Variants in GABPA observed in about 807,000 individuals in gnomAD.
GABPA encodes GA-binding protein alpha chain.
A neutral mutation model predicts 59.4 loss-of-function variants in GABPA; 4 were observed. That is an observed-to-expected ratio of 0.07 (90% CI 0.03 to 0.15). The LOEUF is 0.15. Ranked by LOEUF, GABPA falls within the 10% of genes least tolerant of loss-of-function variation. The probability of loss-of-function intolerance (pLI) is 1.00; values close to 1 mark genes in which losing one functional copy is unlikely to be tolerated. For missense variants in GABPA, 251 were observed against 543.8 expected, an observed-to-expected ratio of 0.46 and a Z score of 5.36; for synonymous variants, 164 against 183.1, an observed-to-expected ratio of 0.90 and a Z score of 0.84.
At chr21:25,749,198 T>A (rs1388438243) in intron 4 of GABPA, 78 bp downstream of exon 4, 1 of 837,812 alleles carries the variant, frequency 1.2e-6, no homozygotes, top group Non-Finnish European at 1.9e-6. Context: ...TTTAGGTGTT[T>A]TCGATGGTTG....
chr21:25,741,584 T>C lies in GABPA; in HGVS notation c.-15T>C, dbSNP rs755628505. 1.9e-6 allele frequency: 3 copies of C among 1,584,142 alleles called. No individual in the cohort carries two copies. The highest frequency in any genetic ancestry group is 2.6e-6 in the Non-Finnish European group (3 of 1,159,138). On this transcript the variant is annotated 5_prime_UTR_variant, in exon 2 of 10. Coordinates refer to ENST00000400075, the MANE Select transcript of GABPA (RefSeq NM_002040.4). ...AGTCACTCTTGCAGGACTGATCCTT[T>C]GAAATACTCCAGCCATGACTAAAAG...
chr21:25,769,976 A>T lies in GABPA; in HGVS notation c.*744A>T, dbSNP rs2035977175. 6.6e-6 allele frequency: 1 copy of T among 152,600 alleles called. No homozygotes were observed. Among genetic ancestry groups the T allele is most frequent in the Admixed American group, 6.5e-5 (1 of 15,270 alleles). 9.5% of individuals were successfully genotyped at this position (152,600 alleles called of 1,614,324 possible). A position where few individuals can be genotyped will look rare whatever the true frequency, so the allele number is the denominator to read the frequency against. Reference sequence around the variant, plus strand: ...TTAATTCTAATAAACCAGCTGTTATAAAAATTATAAAATGATCTCTGTTTT... The same window carrying T: ...TTAATTCTAATAAACCAGCTGTTATTAAAATTATAAAATGATCTCTGTTTT... On this transcript the variant is annotated 3_prime_UTR_variant, in exon 10 of 10. Coordinates refer to ENST00000400075, the MANE Select transcript of GABPA (RefSeq NM_002040.4).
At position 25,741,462 on chromosome 21, in the gene GABPA, C is replaced by T. The variant is rs531204468; in HGVS notation, c.-26-111C>T. 167 of 463,300 alleles carry T rather than the reference C, an allele frequency of 3.6e-4. 1 individual carries two copies. The highest frequency in any genetic ancestry group is 3.2e-3 in the African/African-American group (155 of 48,682). The allele number at this position is 463,300 out of a possible 1,614,324, so 28.7% of individuals were successfully genotyped here. A position where few individuals can be genotyped will look rare whatever the true frequency, so the allele number is the denominator to read the frequency against. On this transcript the variant is annotated intron_variant, in intron 1 of 9. Transcript: ENST00000400075. ...TTTCTTCTATATGTAAAGACTACTT[C>T]CCCCTCTTCTGCTTGGCGTTTGCTT...
intron 9 of GABPA, among the ~76,000 whole-genome samples, chr21:25,765,264 C>G (rs1422075443): frequency 6.6e-6 from 1 of 151,892 alleles, no homozygotes; most frequent in African/African-American, 2.4e-5. Flanking sequence ...ATTATGCCTA[C>G]TACAGTGATG....
At chr21:25,765,083 G>T (rs2035858875) in intron 9 of GABPA, among the ~76,000 whole-genome samples, 1 of 151,730 alleles carries the variant, frequency 6.6e-6, no homozygotes, top group Admixed American at 6.6e-5. Context: ...TAGATGAATT[G>T]AGTGTTAGTT....
rs550213082 is a variant in GABPA at position 25,772,180 on chromosome 21, A to G, written c.*2948A>G. 3 of 152,238 alleles carry G rather than the reference A, an allele frequency of 2.0e-5. No individual in the cohort carries two copies. The highest frequency in any genetic ancestry group is 3.9e-4 in the East Asian group (2 of 5,192). 9.4% of individuals were successfully genotyped at this position (152,238 alleles called of 1,614,324 possible). On this transcript the variant is annotated 3_prime_UTR_variant, in exon 10 of 10. Transcript: ENST00000400075. ...ACTAACTTAATGTCTTCAGATCTAA[A>G]GGGTGTAAAAATATTGATACTTCAA...
At chr21:25,751,293 A>G (rs2035504989) in intron 4 of GABPA, among the ~76,000 whole-genome samples, 1 of 151,424 alleles carries the variant, frequency 6.6e-6, no homozygotes, top group Non-Finnish European at 1.5e-5. Context: ...GTTTTAAACT[A>G]TCCAGAATTA....
rs2035991868 is a variant in GABPA at position 25,770,676 on chromosome 21, A to T, written c.*1444A>T. 1 of 152,046 alleles carries T rather than the reference A, an allele frequency of 6.6e-6. No homozygotes were observed. The highest frequency in any genetic ancestry group is 2.4e-5 in the African/African-American group (1 of 41,436). The allele number at this position is 152,046 out of a possible 1,614,324, so 9.4% of individuals were successfully genotyped here. ...CTTAAGAGCTCAGTTAATGCTTTTGACTTAACTAGGAGAAAAAGGCATGAT... is the reference window on the plus strand; with the variant it reads ...CTTAAGAGCTCAGTTAATGCTTTTGTCTTAACTAGGAGAAAAAGGCATGAT... On this transcript the variant is annotated 3_prime_UTR_variant, in exon 10 of 10. Transcript: ENST00000400075.
intron 4 of GABPA, among the ~76,000 whole-genome samples, chr21:25,750,193 A>G (rs1053214471): frequency 6.6e-6 from 1 of 152,214 alleles, no homozygotes; most frequent in Non-Finnish European, 1.5e-5. Flanking sequence ...TTGTGCTCCT[A>G]TGAGAATTTA....
rs762327386 is a variant in GABPA, at chr21:25,752,162, G to A, written c.481G>A (p.Glu161Lys). ...HITTISDETS[E>K]QVTRWAAALE... Reference sequence around the variant, plus strand: ...CACAACCATTTCAGATGAAACTTCAGAACAAGTGACAAGATGGGCTGCTGC... The same window carrying A: ...CACAACCATTTCAGATGAAACTTCAAAACAAGTGACAAGATGGGCTGCTGC... The change falls in exon 5 of 10, where the codon GAA (glutamate) becomes AAA (lysine). Residue 161 changes from glutamate (E) to lysine (K), a missense_variant. Glu to Lys is a moderately conservative substitution (Grantham distance 56, BLOSUM62 1). This residue lies in a region of GABPA where 207 missense variants were observed against 366.7 expected (regional missense o/e 0.56). Coordinates refer to ENST00000400075, the MANE Select transcript of GABPA (RefSeq NM_002040.4). The A allele has an allele frequency of 6.2e-7, 1 of 1,611,154 alleles. No homozygotes were observed. Among genetic ancestry groups the A allele is most frequent in the Non-Finnish European group, 8.5e-7 (1 of 1,177,766 alleles).
chr21:25,749,524 C>G (rs2123519347), intron 4 of GABPA, among the ~76,000 whole-genome samples: 1 of 152,238 alleles, frequency 6.6e-6, no homozygotes, highest in Middle Eastern at 3.4e-3. Flanking sequence ...TTACAGTGAT[C>G]CACACTAGTC....
chr21:25,747,724 C>A (rs977514479), intron 3 of GABPA, among the ~76,000 whole-genome samples: 2 of 152,124 alleles, frequency 1.3e-5, no homozygotes, highest in Non-Finnish European at 2.9e-5. Context: ...AGTGAACTTG[C>A]TAATATGTTC....
chr21:25,747,155 CTG>C (rs1371112581), intron 3 of GABPA, among the ~76,000 whole-genome samples: 7 of 152,324 alleles, frequency 4.6e-5, no homozygotes, highest in African/African-American at 1.7e-4. Context: ...ACCCAGACCT[CTG>C]TGGCTCCAGA....
intron 4 of GABPA, among the ~76,000 whole-genome samples, chr21:25,750,095 A>T (rs1229276954): frequency 6.6e-6 from 1 of 152,196 alleles, no homozygotes; most frequent in Admixed American, 6.5e-5. Flanking sequence ...TCTGGAGGTG[A>T]TGGGAGACAG....
At position 25,744,042 on chromosome 21, in the gene GABPA, C is replaced by CAAAA. The variant is rs1182340915; in HGVS notation, c.78-1150_78-1147dup. 3.8e-3 allele frequency among the ~76,000 whole-genome samples: 275 copies of CAAAA among 71,776 alleles called. 3 individuals carry two copies. The highest frequency in any genetic ancestry group is 0.013 in the East Asian group (34 of 2,528). The allele number at this position is 71,776 out of a possible 152,430, so 47.1% of individuals were successfully genotyped here. A position where few individuals can be genotyped will look rare whatever the true frequency, so the allele number is the denominator to read the frequency against. ...CTAGGAACAGAGCGAGACTCTGTCTCAAAAAAAAAAAAAAAAAAAAACCTA... is the reference window on the plus strand; with the variant it reads ...CTAGGAACAGAGCGAGACTCTGTCTCAAAAAAAAAAAAAAAAAAAAAAAAACCTA... On this transcript the variant is annotated intron_variant, in intron 2 of 9. Coordinates refer to ENST00000400075, the MANE Select transcript of GABPA (RefSeq NM_002040.4).
chr21:25,765,862 T>G (rs2035878834), intron 9 of GABPA, among the ~76,000 whole-genome samples: 1 of 151,944 alleles, frequency 6.6e-6, no homozygotes, highest in Non-Finnish European at 1.5e-5. Context: ...CCCAGATTGA[T>G]CTAAGTTTCA....
At chr21:25,762,114 T>C (rs1377247311) in intron 6 of GABPA, among the ~76,000 whole-genome samples, 198 bp from the exon 7 acceptor site, 1 of 152,180 alleles carries the variant, frequency 6.6e-6, no homozygotes, top group Non-Finnish European at 1.5e-5. Flanking sequence ...GTGTTATTTC[T>C]CTTAAGGTAT....
intron 2 of GABPA, among the ~76,000 whole-genome samples, chr21:25,744,801 G>A (rs1482021380): frequency 6.6e-6 from 1 of 151,242 alleles, no homozygotes; most frequent in African/African-American, 2.4e-5. Flanking sequence ...TTTTTTTTAT[G>A]TGGGGAAGGG....
intron 2 of GABPA, among the ~76,000 whole-genome samples, chr21:25,742,844 C>G (rs1441218958): frequency 1.3e-5 from 2 of 151,814 alleles, no homozygotes; most frequent in African/African-American, 4.8e-5. Context: ...ATTGCTTGAG[C>G]CCAGGAGTTC....
Sources: allele counts gnomAD v4.1 joint callset (sites outside exome capture counted in the v4.1 genomes callset), GRCh38; gene constraint gnomAD v4.1.1; regional missense constraint gnomAD v4.1.1; transcripts MANE v1.5; gene names NCBI Gene and HGNC (gene_info 2026-07-23, HGNC 2026-07-21).